Variants in USP37 observed in about 807,000 individuals in gnomAD.
USP37 encodes the protein ubiquitin specific peptidase 37.
USP37 carries 27 observed loss-of-function variants against 124.0 expected under a neutral mutation model. The observed-to-expected ratio is 0.22, with a 90% CI of 0.16 to 0.30. USP37 has a LOEUF of 0.30. USP37 is among the 10% of genes least tolerant of loss of function. The pLI is 1.00. For missense variants in USP37, 889 were observed against 1,140.4 expected (o/e 0.78, Z 3.17); for synonymous variants, 365 against 388.0 (o/e 0.94, Z 0.70).
intron 22 of USP37, among the ~76,000 whole-genome samples, chr2:218,460,375 A>G (rs1274846471): frequency 6.6e-6 from 1 of 152,194 alleles, no homozygotes; most frequent in Non-Finnish European, 1.5e-5. Flanking sequence ...ACGGTCCAAC[A>G]CGCTCAGCCC....
chr2:218,546,699 G>A (rs1015815104), intron 7 of USP37, among the ~76,000 whole-genome samples: 6 of 152,254 alleles, frequency 3.9e-5, no homozygotes, highest in Middle Eastern at 3.4e-3. Context: ...GATTACAGGC[G>A]TGAGCTATCA....
chr2:218,508,633 T>A (rs773063917), intron 11 of USP37, among the ~76,000 whole-genome samples: 47 of 152,152 alleles, frequency 3.1e-4, no homozygotes, highest in Non-Finnish European at 5.3e-4. Context: ...TAAAATGTTG[T>A]CTGGTTAGGA....
At chr2:218,568,045 C>G (rs546834576) in intron 1 of USP37, 133 bp downstream of exon 1, 91 of 152,420 alleles carry the variant, frequency 6.0e-4, no homozygotes, top group Non-Finnish European at 4.1e-4. Context: ...GGGGGTGCAT[C>G]GAGGGGTTGT....
At chr2:218,533,087 G>A (rs1032672675) in intron 9 of USP37, among the ~76,000 whole-genome samples, 19 of 151,876 alleles carry the variant, frequency 1.3e-4, no homozygotes, top group Middle Eastern at 3.2e-3. Context: ...TATGTGGTCT[G>A]GAACTACATC....
chr2:218,517,678 T>C (rs983440627), intron 10 of USP37, among the ~76,000 whole-genome samples: 1 of 152,198 alleles, frequency 6.6e-6, no homozygotes, highest in African/African-American at 2.4e-5. Flanking sequence ...CACTATGACA[T>C]GCCTAAGGGT....
intron 9 of USP37, among the ~76,000 whole-genome samples, chr2:218,533,495 A>G (rs573065741): frequency 5.3e-5 from 8 of 152,264 alleles, no homozygotes; most frequent in African/African-American, 1.9e-4. Context: ...TCTCCTCCAC[A>G]TCAAATTTTG....
chr2:218,518,803 C>CTTCT (rs58998028), intron 10 of USP37, among the ~76,000 whole-genome samples: 8,103 of 152,058 alleles, frequency 0.053, 299 homozygotes, highest in East Asian at 0.12. Flanking sequence ...TGTTGTATTT[C>CTTCT]TTCTTTCTTT....
At chr2:218,477,061 T>C in intron 18 of USP37, 80 bp from the exon 19 acceptor site, 2 of 1,389,752 alleles carry the variant, frequency 1.4e-6, no homozygotes, top group Non-Finnish European at 1.9e-6. Context: ...TCAAAACAAA[T>C]TGCTTTTCCA....
intron 18 of USP37, 145 bp from the exon 19 acceptor site, chr2:218,477,126 G>C: frequency 1.0e-6 from 1 of 980,174 alleles, no homozygotes; most frequent in Non-Finnish European, 1.4e-6. Flanking sequence ...GTATATTTCA[G>C]CATTACCTTT....
chr2:218,539,250 T>G (rs1483495843), intron 8 of USP37, among the ~76,000 whole-genome samples: 1 of 152,118 alleles, frequency 6.6e-6, no homozygotes, highest in Non-Finnish European at 1.5e-5. Flanking sequence ...TTAGCCACCG[T>G]GCCCGACCTG....
intron 8 of USP37, among the ~76,000 whole-genome samples, chr2:218,536,831 AATGGCAACAGAAATTCTGTTGCTG>A (rs1691673919): frequency 6.6e-6 from 1 of 152,202 alleles, no homozygotes; most frequent in African/African-American, 2.4e-5. Flanking sequence ...CTTGTTTGGC[AATGGCAACAGAAATTCTGTTGCTG>A]ATAGTAATAC....
At chr2:218,544,424 TATATATAGAG>T (rs1553557368) in intron 8 of USP37, among the ~76,000 whole-genome samples, 12,396 of 56,410 alleles carry the variant, frequency 0.22, 1,051 homozygotes, top group Non-Finnish European at 0.26. Context: ...TATATATATA[TATATATAGAG>T]AGAGAGAGAG....
At chr2:218,517,647 T>C (rs1180479930) in intron 10 of USP37, among the ~76,000 whole-genome samples, 1 of 152,184 alleles carries the variant, frequency 6.6e-6, no homozygotes, top group African/African-American at 2.4e-5. Flanking sequence ...TTTTGAGACT[T>C]TGTCTTTATT....
At position 218,508,583 on chromosome 2, in the gene USP37, G is replaced by A. The variant is rs1371042771; in HGVS notation, c.1025+1396C>T. ...CAGGGTAGACAGAGACACAGACCCA[G>A]ATGAAGAATGGTCACAAAATGGGAT... On this transcript the variant is annotated intron_variant, in intron 11 of 25. Transcript: ENST00000258399. 5.9e-5 allele frequency among the ~76,000 whole-genome samples: 9 copies of A among 152,146 alleles called. No individual in the cohort carries two copies. In the South Asian group the frequency reaches 8.3e-4, roughly 14 times the overall value.
Position 218,504,652 on chromosome 2 carries a change from C to T in USP37, c.1025+5327G>A, listed in dbSNP as rs1410165036. The stretch of plus-strand genomic sequence containing the variant: ...GTCTTGCTATGTGGCCCAGGCTGGT[C>T]TTGAATTCCTAGCCTCAAGTGATCC... On this transcript the variant is annotated intron_variant, in intron 11 of 25. Coordinates refer to ENST00000258399, the MANE Select transcript of USP37 (RefSeq NM_020935.3). 2.0e-5 allele frequency among the ~76,000 whole-genome samples: 3 copies of T among 152,202 alleles called. No homozygotes were observed. The East Asian group carries it at 5.8e-4, about 29-fold the overall frequency.
intron 21 of USP37, among the ~76,000 whole-genome samples, chr2:218,464,707 T>C (rs1690215039): frequency 6.6e-6 from 1 of 152,226 alleles, no homozygotes; most frequent in Non-Finnish European, 1.5e-5. Flanking sequence ...CTGTTGCCTA[T>C]AAATCTGATA....
At position 218,452,589 on chromosome 2, in the gene USP37, T is replaced by C. The variant is rs1026040645; in HGVS notation, c.*2341A>G. 3.9e-5 allele frequency: 6 copies of C among 152,280 alleles called. No individual in the cohort carries two copies. The highest frequency in any genetic ancestry group is 9.6e-5 in the African/African-American group (4 of 41,562). The allele number at this position is 152,280 out of a possible 1,614,324, so 9.4% of individuals were successfully genotyped here. A position where few individuals can be genotyped will look rare whatever the true frequency, so the allele number is the denominator to read the frequency against. ...AGTACATGAGCAGTGAGATAACTTA[T>C]ATATTCCAATAACCTATTTTCAACA... On this transcript the variant is annotated 3_prime_UTR_variant, in exon 26 of 26. Coordinates refer to ENST00000258399, the MANE Select transcript of USP37 (RefSeq NM_020935.3).
At chr2:218,468,541 A>ATTTGT in intron 20 of USP37, among the ~76,000 whole-genome samples, 1 of 152,142 alleles carries the variant, frequency 6.6e-6, no homozygotes, top group African/African-American at 2.4e-5. Flanking sequence ...TTTTCAATAC[A>ATTTGT]AATACAAGCG....
chr2:218,488,575 C>T (rs923478366), intron 14 of USP37, among the ~76,000 whole-genome samples, 154 bp from the exon 15 acceptor site: 1 of 152,232 alleles, frequency 6.6e-6, no homozygotes, highest in African/African-American at 2.4e-5. Flanking sequence ...TTCATGCTTA[C>T]TTTAACCCTT....
Sources: allele counts gnomAD v4.1 joint callset (sites outside exome capture counted in the v4.1 genomes callset), GRCh38; gene constraint gnomAD v4.1.1; transcripts MANE v1.5; gene names NCBI Gene and HGNC (gene_info 2026-07-23, HGNC 2026-07-21).